TP53I13: variants seen among roughly 807,000 people sequenced by gnomAD.
TP53I13 encodes tumor protein p53-inducible protein 13.
Under a neutral mutation model 39.1 loss-of-function variants are expected in TP53I13, and 27 were observed. The ratio of observed to expected loss-of-function variants is 0.69; its 90% CI spans 0.51 to 0.95. The LOEUF is 0.95. Among genes scored for constraint, TP53I13 ranks in the 40% least tolerant of loss-of-function variants. TP53I13 has a pLI of 0.00. For missense variants in TP53I13, 544 were observed against 520.4 expected (o/e 1.05, Z -0.44); for synonymous variants, 230 against 224.6 (o/e 1.02, Z -0.22).
chr17:29,566,649 C>CAG, upstream of TP53I13: 2 of 1,604,856 alleles, frequency 1.2e-6, no homozygotes, highest in Non-Finnish European at 1.7e-6. Context: ...AGAGGGTCTG[C>CAG]AGGTGGGGCC....
the TP53I13 span, chr17:29,582,126 G>C: frequency 6.3e-7 from 1 of 1,581,592 alleles, no homozygotes. Context: ...TTGCCTGTCC[G>C]CACGCTCGAG....
downstream of TP53I13, chr17:29,576,189 C>A: frequency 6.2e-7 from 1 of 1,608,672 alleles, no homozygotes; most frequent in Non-Finnish European, 8.5e-7. Context: ...CCACCCATCT[C>A]CCCACACCTT....
chr17:29,572,703 G>T lies in TP53I13; in HGVS notation c.1069+6G>T. ...CAGCCAGGACACAGTGGCTGGTGAGGAGTTCCCTCCCTACCCTACCCGAGG... is the reference window on the plus strand; with the variant it reads ...CAGCCAGGACACAGTGGCTGGTGAGTAGTTCCCTCCCTACCCTACCCGAGG... On this transcript the variant is annotated splice_donor_region_variant and intron_variant, in intron 6 of 6. Coordinates refer to ENST00000301057, the MANE Select transcript of TP53I13 (RefSeq NM_138349.4). The T allele has an allele frequency of 2.0e-6, 3 of 1,532,448 alleles. No individual in the cohort carries two copies. The South Asian group carries it at 3.7e-5, about 19-fold the overall frequency. 94.9% of individuals were successfully genotyped at this position (1,532,448 alleles called of 1,614,324 possible).
chr17:29,576,737 C>T, downstream of TP53I13: 2 of 1,601,378 alleles, frequency 1.2e-6, no homozygotes, highest in South Asian at 1.1e-5. Flanking sequence ...CCGCAGGGGG[C>T]AGTTATTGAG....
At chr17:29,566,428 AGCAAGCAAAGG>A, upstream of TP53I13, 2 of 1,612,272 alleles carry the variant, frequency 1.2e-6, no homozygotes, top group Non-Finnish European at 1.7e-6. Context: ...CTCCAGGGCG[AGCAAGCAAAGG>A]CCGAGCACGT....
At chr17:29,582,281 CAG>C in the TP53I13 span, 1 of 645,332 alleles carries the variant, frequency 1.5e-6, no homozygotes, top group Non-Finnish European at 2.7e-6. Flanking sequence ...GTCGGGAGGA[CAG>C]AGGCTTCCCG....
the TP53I13 span, chr17:29,582,197 C>A: frequency 2.2e-6 from 3 of 1,354,002 alleles, no homozygotes; most frequent in Non-Finnish European, 3.0e-6. Context: ...GCGCACCTCC[C>A]CACCCACAAG....
At chr17:29,569,428 G>A (rs1388033471) in intron 3 of TP53I13, 69 bp downstream of exon 3, 13 of 1,511,526 alleles carry the variant, frequency 8.6e-6, no homozygotes, top group Admixed American at 3.7e-5. Context: ...AGCAGGCTTC[G>A]CTGCCTGTTC....
rs370392623 is a variant in TP53I13, at chr17:29,571,784, A to G, written c.312+65A>G. 1.2e-4 allele frequency: 186 copies of G among 1,613,406 alleles called. No homozygotes were observed. In the African/African-American group the frequency reaches 2.0e-3, roughly 17 times the overall value. Reference sequence around the variant, plus strand: ...AAGGCTATGGCCCCGTGTGCAGGGAATGGAAAATTCAAGGGTTTCCTCTTG... The same window carrying G: ...AAGGCTATGGCCCCGTGTGCAGGGAGTGGAAAATTCAAGGGTTTCCTCTTG... On this transcript the variant is annotated intron_variant, in intron 4 of 6. Coordinates refer to ENST00000301057, the MANE Select transcript of TP53I13 (RefSeq NM_138349.4).
chr17:29,566,555 C>A (rs999983836), upstream of TP53I13: 8 of 1,609,880 alleles, frequency 5.0e-6, no homozygotes, highest in African/African-American at 1.3e-5. Context: ...ACCACCCAGT[C>A]CAGGGCCACT....
At chr17:29,578,674 T>C in the TP53I13 span, 2 of 1,423,122 alleles carry the variant, frequency 1.4e-6, no homozygotes, top group African/African-American at 1.4e-5. Context: ...GAGCAGAGGG[T>C]GGGGGATCAG....
the TP53I13 span, chr17:29,582,210 G>A: frequency 8.0e-7 from 1 of 1,248,836 alleles, no homozygotes; most frequent in Non-Finnish European, 1.1e-6. Context: ...CCCACAAGCT[G>A]CACCCTGGCT....
At chr17:29,573,746 G>A (rs1221785003), downstream of TP53I13, 7 of 152,736 alleles carry the variant, frequency 4.6e-5, no homozygotes, top group South Asian at 2.1e-4. Context: ...CACCAGCTGA[G>A]TCGGGGACCC....
chr17:29,576,627 C>T (rs757816708), downstream of TP53I13: 2 of 1,613,964 alleles, frequency 1.2e-6, no homozygotes, highest in African/African-American at 1.3e-5. Flanking sequence ...GCTCCAGGTA[C>T]TCCTGCAGCG....
chr17:29,574,373 T>A, downstream of TP53I13: 1 of 369,352 alleles, frequency 2.7e-6, no homozygotes, highest in East Asian at 6.1e-5. Flanking sequence ...ACTTGGAGTG[T>A]CCCCACCTGC....
At chr17:29,575,864 A>G (rs769775991), downstream of TP53I13, 7 of 1,611,640 alleles carry the variant, frequency 4.3e-6, no homozygotes, top group Non-Finnish European at 5.9e-6. The surrounding 1 kb of genome is among the most constrained non-coding windows in gnomAD (Gnocchi z 5.5). Context: ...GGAGGGAGTG[A>G]AGGGCACAGC....
the TP53I13 span, chr17:29,582,283 G>A: frequency 1.2e-5 from 8 of 642,390 alleles, no homozygotes; most frequent in Admixed American, 2.5e-5. Flanking sequence ...CGGGAGGACA[G>A]AGGCTTCCCG....
chr17:29,575,422 G>A (rs2033156497), downstream of TP53I13: 3 of 1,613,022 alleles, frequency 1.9e-6, no homozygotes, highest in African/African-American at 1.3e-5. The surrounding 1 kb of genome is among the most constrained non-coding windows in gnomAD (Gnocchi z 5.5). Context: ...CCAGCTCTGG[G>A]TGGAAGTCTT....
chr17:29,581,670 G>T, the TP53I13 span: 1 of 1,162,938 alleles, frequency 8.6e-7, no homozygotes, highest in Non-Finnish European at 1.3e-6. The surrounding 1 kb of genome is among the most constrained non-coding windows in gnomAD (Gnocchi z 4.8). Context: ...CTGCTGCCGG[G>T]TGCGTCCAGG....
Sources: allele counts gnomAD v4.1 joint callset, GRCh38; gene constraint gnomAD v4.1.1; non-coding constraint Gnocchi (gnomAD v3.1); transcripts MANE v1.5; gene names NCBI Gene and HGNC (gene_info 2026-07-23, HGNC 2026-07-21).